JUP: variants seen among roughly 807,000 people sequenced by gnomAD.
JUP encodes the protein catenin (cadherin-associated protein), gamma 80kDa.
Under a neutral mutation model 71.1 loss-of-function variants are expected in JUP, and 28 were observed. That is an observed-to-expected ratio of 0.39 (90% CI 0.29 to 0.54). The LOEUF (loss-of-function observed/expected upper bound fraction) is 0.54. Ranked by LOEUF, JUP falls within the 20% of genes least tolerant of loss-of-function variation. The pLI, the probability that JUP is intolerant of heterozygous loss-of-function variation, is 0.62. For missense variants in JUP, 869 were observed against 1,030.1 expected (o/e 0.84, Z 2.14); for synonymous variants, 401 against 438.9 (o/e 0.91, Z 1.08).
intron 13 of JUP, 48 bp from the exon 14 acceptor site, chr17:41,755,943 G>A (rs368443574): frequency 1.3e-6 from 2 of 1,576,546 alleles, no homozygotes; most frequent in Non-Finnish European, 1.7e-6. Context: ...AAGCTACCCT[G>A]CAGGGAGCAG....
intron 2 of JUP, among the ~76,000 whole-genome samples, chr17:41,770,614 C>T (rs1555606449): frequency 1.3e-5 from 2 of 152,212 alleles, no homozygotes; most frequent in East Asian, 1.9e-4. Context: ...CCACAGTCTA[C>T]TCACACTACT....
intron 8 of JUP, 132 bp downstream of exon 8, chr17:41,762,851 G>A (rs1915117431): frequency 6.9e-6 from 5 of 728,466 alleles, no homozygotes; most frequent in Admixed American, 2.1e-5. Context: ...ACTATTACAC[G>A]AGAGAGAAAT....
Position 41,757,442 on chromosome 17 carries a change from G to A in JUP, c.2019C>T (p.Phe673=). 1 of 1,614,262 alleles carries A rather than the reference G, an allele frequency of 6.2e-7. No homozygotes were observed. The highest frequency in any genetic ancestry group is 8.5e-7 in the Non-Finnish European group (1 of 1,180,052). ...RVSVELTNSL[F]KHDPAAWEAA... is the part of the protein sequence containing the mutation. ...CCTCCCAGGCAGCCGGGTCATGCTT[G>A]AAGAGGGAGTTGGTGAGCTCCACGG... is the stretch of plus-strand genomic sequence containing the variant. Residue 673 remains phenylalanine (F), a synonymous_variant, in exon 12 of 14, where the codon TTC becomes TTT. Coordinates refer to ENST00000393931, the MANE Select transcript of JUP (RefSeq NM_002230.4).
intron 1 of JUP, among the ~76,000 whole-genome samples, chr17:41,779,884 CAGGCTGGT>C (rs1239112581): frequency 6.7e-6 from 1 of 150,296 alleles, no homozygotes; most frequent in East Asian, 2.0e-4. Context: ...CACAGGCTGG[CAGGCTGGT>C]CTCAAAGTCC....
Position 41,764,916 on chromosome 17 carries a change from T to A in JUP, c.1054+7A>T, listed in dbSNP as rs371988639. On this transcript the variant is annotated splice_region_variant and intron_variant, in intron 6 of 13. Transcript: ENST00000393931. ...ACCCCAGCCGCCCTCAAGGCCATCA[T>A]ACTCACCAGCCTCCACAATGGCAGG... is the stretch of plus-strand genomic sequence containing the variant. The A allele has an allele frequency of 6.9e-5, 112 of 1,614,016 alleles. No homozygotes were observed. In the African/African-American group the frequency reaches 1.3e-3, roughly 18 times the overall value.
intron 8 of JUP, 29 bp from the exon 9 acceptor site, chr17:41,758,899 G>T (rs1914337952): frequency 6.3e-7 from 1 of 1,594,946 alleles, no homozygotes; most frequent in Non-Finnish European, 8.6e-7. Context: ...GTGATCAGGG[G>T]CACTTCTTGG....
intron 1 of JUP, chr17:41,784,981 G>A (rs1281158621): frequency 6.6e-6 from 1 of 151,684 alleles, no homozygotes; most frequent in Non-Finnish European, 1.5e-5. Flanking sequence ...GTGGGGGGGG[G>A]CGGTCTCAGG....
intron 7 of JUP, 35 bp from the exon 8 acceptor site, chr17:41,763,356 G>A: frequency 1.3e-6 from 2 of 1,516,514 alleles, no homozygotes; most frequent in Non-Finnish European, 1.8e-6. Context: ...GAGTCAGGGA[G>A]CAGCCAACTC....
chr17:41,775,390 C>G (rs1490635484), intron 1 of JUP, among the ~76,000 whole-genome samples: 1 of 152,206 alleles, frequency 6.6e-6, no homozygotes, highest in African/African-American at 2.4e-5. Context: ...GACTGTCAAC[C>G]AGCCCCACCC....
chr17:41,769,150 G>A lies in JUP; in HGVS notation c.526C>T (p.Arg176Trp), dbSNP rs368336007. The A allele has an allele frequency of 6.4e-5, 103 of 1,606,898 alleles. No homozygotes were observed. The highest frequency in any genetic ancestry group is 2.3e-4 in the Admixed American group (14 of 60,004). The change falls in exon 4 of 14, where the codon CGG becomes TGG. Residue 176 changes from arginine to tryptophan, a missense_variant. Physicochemically the swap from Arg to Trp is moderately radical, Grantham distance 101. Transcript: ENST00000393931. The part of the protein sequence containing the change: ...VNQLSKKEAS[R>W]RALMGSPQLV... ...TGGGGCGAGCCCATCAGGGCCCGCC[G>A]CGACGCCTCCTTCTTCGACAGCTGG... is the stretch of plus-strand genomic sequence containing the variant.
chr17:41,773,330 G>A (rs1199868348), intron 1 of JUP, among the ~76,000 whole-genome samples: 7 of 152,224 alleles, frequency 4.6e-5, no homozygotes, highest in Non-Finnish European at 8.8e-5. Context: ...GGAGGATGAC[G>A]AATGGTCCTG....
chr17:41,773,717 C>T (rs1257502759), intron 1 of JUP, among the ~76,000 whole-genome samples: 1 of 151,992 alleles, frequency 6.6e-6, no homozygotes, highest in East Asian at 1.9e-4. Context: ...TCGGAGAAGG[C>T]AGACATGGGA....
intron 1 of JUP, chr17:41,772,413 T>C (rs531208976): frequency 2.1e-4 from 47 of 220,230 alleles, no homozygotes; most frequent in African/African-American, 1.0e-3. Context: ...CTCCAGGATC[T>C]GGCTTTCCTA....
chr17:41,775,360 G>A (rs2046832083), intron 1 of JUP, among the ~76,000 whole-genome samples: 2 of 152,204 alleles, frequency 1.3e-5, no homozygotes, highest in Non-Finnish European at 1.5e-5. Flanking sequence ...CAGGAAGGCT[G>A]GAAGTCAGAC....
At chr17:41,765,635 G>C (rs1915598865) in intron 5 of JUP, among the ~76,000 whole-genome samples, 2 of 151,742 alleles carry the variant, frequency 1.3e-5, no homozygotes, top group Non-Finnish European at 3.0e-5. Flanking sequence ...TTACAGGCGT[G>C]AACCACCACA....
At chr17:41,766,247 G>A (rs1915685427) in intron 5 of JUP, among the ~76,000 whole-genome samples, 1 of 150,854 alleles carries the variant, frequency 6.6e-6, no homozygotes, top group African/African-American at 2.4e-5. Context: ...GTGAGACCCT[G>A]TCTCAAAAAA....
At chr17:41,768,873 G>T in intron 4 of JUP, 96 bp downstream of exon 4, 2 of 987,740 alleles carry the variant, frequency 2.0e-6, no homozygotes, top group Non-Finnish European at 3.1e-6. Context: ...GCACATAGTA[G>T]GTGCTCACTG....
Position 41,781,113 on chromosome 17 carries a change from G to A in JUP, c.-9+5475C>T, listed in dbSNP as rs529080533. ...GGAGAATGGTGTGAACCCAGGGGGC[G>A]GAGCTTGCAGCGAGCGGAGATCGTG... On this transcript the variant is annotated intron_variant, in intron 1 of 13. Coordinates refer to ENST00000393931, the MANE Select transcript of JUP (RefSeq NM_002230.4). Among the ~76,000 whole-genome samples, 9 of 151,594 alleles carry A rather than the reference G, an allele frequency of 5.9e-5. No homozygotes were observed. The East Asian group carries it at 1.8e-3, about 30-fold the overall frequency.
Position 41,755,791 on chromosome 17 carries a change from C to T in JUP, c.2191G>A (p.Asp731Asn), listed in dbSNP as rs782647137. 6.8e-6 allele frequency: 11 copies of T among 1,612,160 alleles called. No individual in the cohort carries two copies. Among genetic ancestry groups the T allele is most frequent in the Admixed American group, 5.0e-5 (3 of 59,904 alleles). The change falls in exon 14 of 14, where the codon GAC (aspartate) becomes AAC (asparagine). Residue 731 changes from aspartate (D) to asparagine (N), a missense_variant. By Grantham distance (23) the Asp-to-Asn change is conservative (BLOSUM62 1). Transcript: ENST00000393931. Reference sequence around the variant, plus strand: ...GTGGGGTACGGGGGCCTGAGGCCGTCGCTGTAGGTGTCGATGGGGTAGTCT... The same window carrying T: ...GTGGGGTACGGGGGCCTGAGGCCGTTGCTGTAGGTGTCGATGGGGTAGTCT... ...DGDYPIDTYSDGLRPPYPTAD... is the reference protein window; with the variant it reads ...DGDYPIDTYSNGLRPPYPTAD...
Sources: allele counts gnomAD v4.1 joint callset (sites outside exome capture counted in the v4.1 genomes callset), GRCh38; gene constraint gnomAD v4.1.1; transcripts MANE v1.5; gene names NCBI Gene and HGNC (gene_info 2026-07-23, HGNC 2026-07-21).